Variants in TUBGCP6 observed in about 807,000 individuals in gnomAD.
The protein encoded by TUBGCP6 is tubulin gamma complex component 6.
Under a neutral mutation model 175.8 loss-of-function variants are expected in TUBGCP6, and 161 were observed. That is an observed-to-expected ratio of 0.92 (90% CI 0.81 to 1.04). TUBGCP6 has a LOEUF of 1.04. Ranked by LOEUF, TUBGCP6 falls within the 50% of genes least tolerant of loss-of-function variation. TUBGCP6 has a pLI of 0.00. For synonymous variants in TUBGCP6, 1,173 were observed against 1,030.5 expected (o/e 1.14, Z -2.65); for missense variants, 2,572 against 2,433.0 (o/e 1.06, Z -1.20).
chr22:50,240,850 G>A (rs550772684), intron 1 of TUBGCP6, among the ~76,000 whole-genome samples: 90 of 152,300 alleles, frequency 5.9e-4, no homozygotes, highest in African/African-American at 2.1e-3. Context: ...TCGGCCAGGC[G>A]TGGTGGTGGG....
Position 50,222,474 on chromosome 22 carries a change from C to T in TUBGCP6, c.2389G>A (p.Glu797Lys). The change falls in exon 14 of 25, where the codon GAA becomes AAA. Residue 797 changes from glutamate (E) to lysine (K), a missense_variant. Coordinates refer to ENST00000248846, the MANE Select transcript of TUBGCP6 (RefSeq NM_020461.4). ...CATACCTGAATGTGTTTCTCATCTT[C>T]TAAGAGAAAACGAAGCCGTGCACTC... is the stretch of plus-strand genomic sequence containing the variant. ...LESARLRFLL[E>K]DEKHIQEMLK... 6.2e-7 allele frequency: 1 copy of T among 1,613,874 alleles called. No homozygotes were observed. Among genetic ancestry groups the T allele is most frequent in the Non-Finnish European group, 8.5e-7 (1 of 1,180,024 alleles).
intron 1 of TUBGCP6, among the ~76,000 whole-genome samples, chr22:50,243,370 T>C (rs2064864587): frequency 6.6e-6 from 1 of 151,590 alleles, no homozygotes; most frequent in South Asian, 2.1e-4. Context: ...GGAGAATCAC[T>C]TGACCCCGGG....
rs747851482 is a variant in TUBGCP6, at chr22:50,229,523, C to T, written c.1171G>A (p.Glu391Lys). 9.3e-6 allele frequency: 15 copies of T among 1,606,426 alleles called. No individual in the cohort carries two copies. The highest frequency in any genetic ancestry group is 2.2e-5 in the East Asian group (1 of 44,514). ...RGVHVSGASP[E>K]SISSLLSEVA... ...TCCGAGAGCAGGCTGCTGATGCTCTCGGGAGACGCTCCTGACACGTGGACG... is the reference window on the plus strand; with the variant it reads ...TCCGAGAGCAGGCTGCTGATGCTCTTGGGAGACGCTCCTGACACGTGGACG... The change falls in exon 4 of 25, where the codon GAG becomes AAG. Residue 391 changes from glutamate (E) to lysine (K), a missense_variant. Coordinates refer to ENST00000248846, the MANE Select transcript of TUBGCP6 (RefSeq NM_020461.4).
At chr22:50,232,366 AAAAAAAAAAAAG>A (rs1482464274) in intron 3 of TUBGCP6, among the ~76,000 whole-genome samples, 2 of 79,768 alleles carry the variant, frequency 2.5e-5, no homozygotes, top group Admixed American at 1.2e-4. Context: ...ACTCTGTCTC[AAAAAAAAAAAAG>A]AAAAAGAAAA....
chr22:50,222,113 A>G lies in TUBGCP6; in HGVS notation c.2410-11T>C. On this transcript the variant is annotated splice_polypyrimidine_tract_variant and intron_variant, in intron 14 of 24. Transcript: ENST00000248846. ...TGCTTTCAGCATCTCCTGAAATTCAAGCCAGAGGGGTGACTGGCCAAGCCG... is the reference window on the plus strand; with the variant it reads ...TGCTTTCAGCATCTCCTGAAATTCAGGCCAGAGGGGTGACTGGCCAAGCCG... The G allele has an allele frequency of 6.2e-7, 1 of 1,613,102 alleles. No homozygotes were observed. The highest frequency in any genetic ancestry group is 1.1e-5 in the South Asian group (1 of 91,054).
chr22:50,233,677 G>A (rs1186975811), intron 2 of TUBGCP6, 151 bp from the exon 3 acceptor site: 1 of 760,762 alleles, frequency 1.3e-6, no homozygotes, highest in Non-Finnish European at 2.1e-6. Context: ...ATGAATGTCA[G>A]CTCACCACCC....
Position 50,234,195 on chromosome 22 carries a change from CGTCCACAGCAGCATCTACACCCAG to C in TUBGCP6, c.906-693_906-670del, listed in dbSNP as rs1053165192. The stretch of plus-strand genomic sequence containing the variant: ...TCCACGGCAGCATCATCCACACGCC[CGTCCACAGCAGCATCTACACCCAG>C]GTCCACAGCAGCATCATCCACACCC... On this transcript the variant is annotated intron_variant, in intron 2 of 24. Transcript: ENST00000248846. 5.7e-5 allele frequency among the ~76,000 whole-genome samples: 8 copies of C among 139,820 alleles called. No homozygotes were observed. In the East Asian group the frequency reaches 1.8e-3, roughly 31 times the overall value. 91.7% of individuals were successfully genotyped at this position (139,820 alleles called of 152,430 possible).
In TUBGCP6 at chr22:50,221,084, T is replaced by C. The variant is rs1034822594; in HGVS notation, c.3275A>G (p.Glu1092Gly). The change falls in exon 16 of 25, where the codon GAG becomes GGG. Residue 1092 changes from glutamate (E) to glycine (G), a missense_variant. Physicochemically the swap from Glu to Gly is moderately conservative, Grantham distance 98. Transcript: ENST00000248846. Reference sequence around the variant, plus strand: ...AGTGGGAGCCACATCTGACACAGACTCCCCTAAGCTGATGCTGGCATTGGA... The same window carrying C: ...AGTGGGAGCCACATCTGACACAGACCCCCCTAAGCTGATGCTGGCATTGGA... ...HVSNASISLG[E>G]SVSDVAPTRP... The C allele has an allele frequency of 2.5e-6, 4 of 1,612,490 alleles. No homozygotes were observed. In the African/African-American group the frequency reaches 5.4e-5, roughly 22 times the overall value.
chr22:50,223,780 C>CAAAA (rs34989677), intron 13 of TUBGCP6: 9 of 64,334 alleles, frequency 1.4e-4, no homozygotes, highest in Admixed American at 1.9e-4. Context: ...ACTCTGTTTC[C>CAAAA]AAAAAAAAAA....
chr22:50,219,900 T>C, intron 17 of TUBGCP6, 57 bp downstream of exon 17: 2 of 1,610,816 alleles, frequency 1.2e-6, no homozygotes, highest in Non-Finnish European at 1.7e-6. Context: ...CGTGACAACC[T>C]AGAGGGACAG....
chr22:50,219,681 G>C lies in TUBGCP6; in HGVS notation c.4278C>G (p.Tyr1426Ter). 1 of 1,613,766 alleles carries C rather than the reference G, an allele frequency of 6.2e-7. No homozygotes were observed. Among genetic ancestry groups the C allele is most frequent in the Non-Finnish European group, 8.5e-7 (1 of 1,179,992 alleles). ...AACTGTCCGGGTACCGCTCCAAGTG[G>C]TACTGCCCTGCCAGGCCTGCCAGGT... ...QAYLAGLAGQYHLERYPDSYE... is the reference protein window; with the variant it reads ...QAYLAGLAGQ Residue 1426 changes from tyrosine (Y) to a stop codon, truncating the protein, a stop_gained, in exon 18 of 25, where the codon TAC (tyrosine) becomes TAG (stop). Coordinates refer to ENST00000248846, the MANE Select transcript of TUBGCP6 (RefSeq NM_020461.4). LOFTEE classifies it high-confidence loss of function.
intron 13 of TUBGCP6, 29 bp downstream of exon 13, chr22:50,224,112 C>T (rs753799638): frequency 1.9e-6 from 3 of 1,605,230 alleles, no homozygotes; most frequent in South Asian, 1.1e-5. Flanking sequence ...CGCACTGCAC[C>T]CCTGGGCCTG....
rs908534174 is a variant in TUBGCP6 at position 50,244,613 on chromosome 22, G to T, written c.-154C>A. ...AAGCTCAGAACTGGTATTTTTTAAA[G>T]GAGGTCTTGCGGTTGCTCTACTCAG... On this transcript the variant is annotated 5_prime_UTR_variant, in exon 1 of 25. Coordinates refer to ENST00000248846, the MANE Select transcript of TUBGCP6 (RefSeq NM_020461.4). 6.9e-6 allele frequency: 9 copies of T among 1,299,788 alleles called. No homozygotes were observed. The highest frequency in any genetic ancestry group is 3.0e-5 in the African/African-American group (2 of 66,892). The allele number at this position is 1,299,788 out of a possible 1,614,324, so 80.5% of individuals were successfully genotyped here.
chr22:50,243,675 C>T (rs748863100), intron 1 of TUBGCP6, 44 bp downstream of exon 1: 9 of 1,475,266 alleles, frequency 6.1e-6, no homozygotes, highest in Non-Finnish European at 9.1e-7. Context: ...GAAGCATTTT[C>T]CAAACCCCGA....
chr22:50,244,256 G>T lies in TUBGCP6; in HGVS notation c.204C>A (p.Asn68Lys), dbSNP rs1386432107. The T allele has an allele frequency of 2.5e-6, 4 of 1,613,436 alleles. No individual in the cohort carries two copies. The African/African-American group carries it at 4.0e-5, about 16-fold the overall frequency. ...AGTCAAAGGACAACATGAGGATCTT[G>T]TTTCTCGCTGGTAGTTTTGACATGT... Reference protein sequence around the residue: ...QPDMSKLPARNKILMLSFDLR... With the variant: ...QPDMSKLPARKKILMLSFDLR... The change falls in exon 1 of 25, where the codon AAC (asparagine) becomes AAA (lysine). Residue 68 changes from asparagine to lysine, a missense_variant. Transcript: ENST00000248846.
chr22:50,219,525 A>G (rs1055419377), intron 18 of TUBGCP6, 69 bp from the exon 19 acceptor site: 2 of 1,586,970 alleles, frequency 1.3e-6, no homozygotes, highest in Non-Finnish European at 1.7e-6. Context: ...TCCACAGGAG[A>G]TGGAGCACGT....
rs1429788222 is a variant in TUBGCP6, at chr22:50,244,100, A to G, written c.360T>C (p.Ser120=). The part of the protein sequence containing the change: ...VLDLLVQLAG[S]GPPQVLPRKR... ...TTCTCGGCAGAACTTGAGGGGGACC[A>G]CTCCCTGCCAGCTGAACCAGGAGGT... is the stretch of plus-strand genomic sequence containing the variant. The change falls in exon 1 of 25, where the codon AGT becomes AGC. Residue 120 remains serine, a synonymous_variant. Transcript: ENST00000248846. The G allele has an allele frequency of 6.2e-7, 1 of 1,613,408 alleles. No individual in the cohort carries two copies. Among genetic ancestry groups the G allele is most frequent in the Non-Finnish European group, 8.5e-7 (1 of 1,180,022 alleles).
chr22:50,224,116 G>A lies in TUBGCP6; in HGVS notation c.2270+25C>T, dbSNP rs1251450067. 4 of 1,607,502 alleles carry A rather than the reference G, an allele frequency of 2.5e-6. No homozygotes were observed. In the East Asian group the frequency reaches 6.7e-5, roughly 27 times the overall value. Reference sequence around the variant, plus strand: ...GGGGCCCCTGCCGCACTGCACCCCTGGGCCTGGAGCCCGGGCTGCCCTACC... The same window carrying A: ...GGGGCCCCTGCCGCACTGCACCCCTAGGCCTGGAGCCCGGGCTGCCCTACC... On this transcript the variant is annotated intron_variant, in intron 13 of 24. Transcript: ENST00000248846.
chr22:50,222,304 G>T, intron 14 of TUBGCP6, 150 bp downstream of exon 14: 1 of 1,308,156 alleles, frequency 7.6e-7, no homozygotes, highest in Non-Finnish European at 1.1e-6. Flanking sequence ...GTGCAATTTG[G>T]TGGCACACGG....
Sources: allele counts gnomAD v4.1 joint callset (sites outside exome capture counted in the v4.1 genomes callset), GRCh38; gene constraint gnomAD v4.1.1; transcripts MANE v1.5; gene names NCBI Gene and HGNC (gene_info 2026-07-23, HGNC 2026-07-21).